The following PCDHGA7 variants were observed in gnomAD, a reference collection of about 807,000 sequenced individuals.
The protein encoded by PCDHGA7 is protocadherin gamma subfamily A, 7.
In PCDHGA7, 44 loss-of-function variants were observed where a neutral mutation model predicts 58.3. That is an observed-to-expected ratio of 0.75 (90% confidence interval 0.59 to 0.97). The LOEUF is 0.97. Ranked by LOEUF, PCDHGA7 falls within the 50% of genes least tolerant of loss-of-function variation. The pLI is 0.00. For synonymous variants in PCDHGA7, 516 were observed against 504.2 expected, an observed-to-expected ratio of 1.02 and a Z score of -0.31; for missense variants, 1,266 against 1,188.7, an observed-to-expected ratio of 1.06 and a Z score of -0.96.
chr5:141,432,974 C>T lies in PCDHGA7; in HGVS notation c.2424+47651C>T. ...CGGCTTGACAGGAGCGCCGGCGTCG[C>T]ACTTTGTGGGCGTGGACGGGGTGCA... On this transcript the variant is annotated intron_variant, in intron 1 of 3. Coordinates refer to ENST00000518325, the MANE Select transcript of PCDHGA7 (RefSeq NM_018920.4). This position sits in a 1 kb window ranked among gnomAD's most constrained non-coding sequence, Gnocchi z 6.0. 6.2e-7 allele frequency: 1 copy of T among 1,614,204 alleles called. No individual in the cohort carries two copies. Among genetic ancestry groups the T allele is most frequent in the Non-Finnish European group, 8.5e-7 (1 of 1,180,030 alleles).
intron 1 of PCDHGA7, chr5:141,405,001 C>A: frequency 1.9e-6 from 3 of 1,614,008 alleles, no homozygotes; most frequent in Non-Finnish European, 2.5e-6. Flanking sequence ...TCCCTGCAGA[C>A]CTGGAGGCCT....
intron 1 of PCDHGA7, chr5:141,409,728 C>G (rs13184503): frequency 6.2e-7 from 1 of 1,613,134 alleles, no homozygotes; most frequent in Admixed American, 1.7e-5. Flanking sequence ...TCAGTGAGCG[C>G]GCAGAGCGGG....
At chr5:141,453,175 A>G (rs928062909) in intron 1 of PCDHGA7, among the ~76,000 whole-genome samples, 2 of 152,088 alleles carry the variant, frequency 1.3e-5, no homozygotes, top group African/African-American at 4.8e-5. Context: ...GTCCAGTGGT[A>G]CAATCACAGC....
At chr5:141,416,576 A>C (rs1300203182) in intron 1 of PCDHGA7, 2 of 152,204 alleles carry the variant, frequency 1.3e-5, no homozygotes, top group Non-Finnish European at 2.9e-5. Flanking sequence ...TGAAATTGAG[A>C]GGCAAAATAA....
At chr5:141,410,886 C>A in intron 1 of PCDHGA7, 1 of 290,056 alleles carries the variant, frequency 3.4e-6, no homozygotes, top group Non-Finnish European at 5.6e-6. Flanking sequence ...TGGAGTCTCG[C>A]ACTGTTGCCT....
At chr5:141,479,982 C>T (rs368461965) in intron 1 of PCDHGA7, among the ~76,000 whole-genome samples, 1 of 152,192 alleles carries the variant, frequency 6.6e-6, no homozygotes, top group South Asian at 2.1e-4. Flanking sequence ...CTACCATTTA[C>T]CAACTAGGAG....
Position 141,485,738 on chromosome 5 carries a change from A to G in PCDHGA7, c.2425-9069A>G, listed in dbSNP as rs1443978038. Reference sequence around the variant, plus strand: ...GGATGTGAAGAAGCGCAGCGACGGCAGCCTGGTCCCAGAGCTGCTCCTGGA... The same window carrying G: ...GGATGTGAAGAAGCGCAGCGACGGCGGCCTGGTCCCAGAGCTGCTCCTGGA... On this transcript the variant is annotated intron_variant, in intron 1 of 3. Transcript: ENST00000518325. This position sits in a 1 kb window ranked among gnomAD's most constrained non-coding sequence, Gnocchi z 5.7. 1 of 1,614,230 alleles carries G rather than the reference A, an allele frequency of 6.2e-7. No individual in the cohort carries two copies.
chr5:141,498,119 T>C (rs780741291), intron 2 of PCDHGA7, among the ~76,000 whole-genome samples: 42 of 152,192 alleles, frequency 2.8e-4, no homozygotes, highest in Non-Finnish European at 4.8e-4. Flanking sequence ...AATAGGGATT[T>C]GATTTAGGGA....
intron 1 of PCDHGA7, chr5:141,418,660 T>C (rs1377720154): frequency 6.2e-7 from 1 of 1,614,024 alleles, no homozygotes; most frequent in Admixed American, 1.7e-5. Context: ...TGAAGGCCAC[T>C]GACCAGGACG....
At chr5:141,426,879 G>C (rs1222564201) in intron 1 of PCDHGA7, 3 of 456,710 alleles carry the variant, frequency 6.6e-6, no homozygotes, top group Non-Finnish European at 1.3e-5. Context: ...GAAGCCCCTG[G>C]GCCAGGAGCA....
intron 1 of PCDHGA7, chr5:141,403,598 G>T: frequency 6.2e-7 from 1 of 1,613,820 alleles, no homozygotes; most frequent in Non-Finnish European, 8.5e-7. Context: ...CACGGCCTCG[G>T]ATGGCGGCGA....
rs768265171 is a variant in PCDHGA7, at chr5:141,432,847, G to T, written c.2424+47524G>T. The T allele has an allele frequency of 6.2e-7, 1 of 1,614,180 alleles. No homozygotes were observed. On this transcript the variant is annotated intron_variant, in intron 1 of 3. Transcript: ENST00000518325. The surrounding 1 kb of genome is among the most constrained non-coding windows in gnomAD (Gnocchi z 6.0). ...ACCTCACTCTGTACCTGGTGGTAGC[G>T]GTGGCCGCGGTCTCCTGCGTCTTCC...
chr5:141,454,366 GT>G (rs2098787984), intron 1 of PCDHGA7, among the ~76,000 whole-genome samples: 1 of 152,166 alleles, frequency 6.6e-6, no homozygotes, highest in Admixed American at 6.5e-5. Flanking sequence ...TTAGAAAGGA[GT>G]ATGGCAACTT....
intron 1 of PCDHGA7, chr5:141,400,076 T>A: frequency 6.2e-7 from 1 of 1,613,932 alleles, no homozygotes; most frequent in Non-Finnish European, 8.5e-7. Context: ...CAGCCGCCAC[T>A]CTCCGCCACC....
chr5:141,386,941 C>A (rs1391826060), intron 1 of PCDHGA7, among the ~76,000 whole-genome samples: 1 of 152,212 alleles, frequency 6.6e-6, no homozygotes, highest in Non-Finnish European at 1.5e-5. Context: ...AGGTAGGAAG[C>A]AGTGCTTCAG....
chr5:141,398,841 TC>T (rs1383151737), intron 1 of PCDHGA7: 5 of 1,613,612 alleles, frequency 3.1e-6, no homozygotes, highest in African/African-American at 1.3e-5. Flanking sequence ...CCAATGATAA[TC>T]CCCCGGTATT....
chr5:141,506,471 C>T (rs2099854191), intron 3 of PCDHGA7, among the ~76,000 whole-genome samples: 2 of 148,834 alleles, frequency 1.3e-5, no homozygotes, highest in African/African-American at 5.0e-5. Flanking sequence ...AAAAAGAGCA[C>T]AGGCTTTAGA....
intron 3 of PCDHGA7, among the ~76,000 whole-genome samples, chr5:141,509,880 T>C (rs1475661741): frequency 6.6e-6 from 1 of 152,184 alleles, no homozygotes; most frequent in African/African-American, 2.4e-5. Flanking sequence ...CTGGTGGTGA[T>C]GGTGACTGAC....
At chr5:141,495,274 G>A (rs1396412578) in intron 2 of PCDHGA7, among the ~76,000 whole-genome samples, 1 of 152,190 alleles carries the variant, frequency 6.6e-6, no homozygotes, top group Non-Finnish European at 1.5e-5. Context: ...TTGACCGGAG[G>A]AGGCGGTCCG....
Sources: allele counts gnomAD v4.1 joint callset (sites outside exome capture counted in the v4.1 genomes callset), GRCh38; gene constraint gnomAD v4.1.1; non-coding constraint Gnocchi (gnomAD v3.1); transcripts MANE v1.5; gene names NCBI Gene and HGNC (gene_info 2026-07-23, HGNC 2026-07-21).